CTNS: variants seen among roughly 807,000 people sequenced by gnomAD.
The protein encoded by CTNS is cystinosin.
Under a neutral mutation model 43.7 loss-of-function variants are expected in CTNS, and 27 were observed. The ratio of observed to expected loss-of-function variants is 0.62; its 90% CI spans 0.46 to 0.85. The LOEUF (loss-of-function observed/expected upper bound fraction) is 0.85, where lower values mean the gene tolerates loss of function less well. Ranked by LOEUF, CTNS falls within the 40% of genes least tolerant of loss-of-function variation. The probability of loss-of-function intolerance (pLI) is 0.00; values close to 1 mark genes in which losing one functional copy is unlikely to be tolerated. For synonymous variants in CTNS, 187 were observed against 190.6 expected, an observed-to-expected ratio of 0.98 and a Z score of 0.16; for missense variants, 457 against 475.4, an observed-to-expected ratio of 0.96 and a Z score of 0.36.
rs1164640227 is a variant in CTNS at position 3,641,378 on chromosome 17, ATATATATTTTTT to A, written c.61+1113_61+1124del. Among the ~76,000 whole-genome samples the A allele has an allele frequency of 6.4e-4, 25 of 39,006 alleles. No individual in the cohort carries two copies. The East Asian group carries it at 0.015, about 23-fold the overall frequency. 25.6% of individuals were successfully genotyped at this position (39,006 alleles called of 152,430 possible). A position where few individuals can be genotyped will look rare whatever the true frequency, so the allele number is the denominator to read the frequency against. Reference sequence around the variant, plus strand: ...CAGATACATATATATATATATATATATATATATTTTTTTTTTTTTTTTTTTTTTTTTGAGACA... The same window carrying A: ...CAGATACATATATATATATATATATATTTTTTTTTTTTTTTTTTTGAGACA... On this transcript the variant is annotated intron_variant, in intron 3 of 11. Coordinates refer to ENST00000046640, the MANE Select transcript of CTNS (RefSeq NM_004937.3).
At chr17:3,650,311 C>T (rs1277935818) in intron 5 of CTNS, 3 of 1,549,208 alleles carry the variant, frequency 1.9e-6, no homozygotes, top group Non-Finnish European at 2.6e-6. Flanking sequence ...CATGTGGGAA[C>T]CTGTGATCTG....
intron 10 of CTNS, among the ~76,000 whole-genome samples, chr17:3,658,803 T>C (rs1233042614): frequency 6.6e-6 from 1 of 152,140 alleles, no homozygotes; most frequent in Non-Finnish European, 1.5e-5. Flanking sequence ...ACTGGACTCT[T>C]AGGCTGAGCA....
chr17:3,650,475 CTG>C (rs1301155316), intron 5 of CTNS: 1 of 908,398 alleles, frequency 1.1e-6, no homozygotes, highest in African/African-American at 1.7e-5. Context: ...GAGCAAGACT[CTG>C]TCTCTAAAAA....
In CTNS at chr17:3,646,292, C is replaced by CTTT. The variant is rs35737682; in HGVS notation, c.62-1138_62-1136dup. Among the ~76,000 whole-genome samples the CTTT allele has an allele frequency of 1.1e-4, 15 of 137,210 alleles. 1 individual carries two copies. Among genetic ancestry groups the CTTT allele is most frequent in the South Asian group, 9.1e-4 (4 of 4,386 alleles). The allele number at this position is 137,210 out of a possible 152,430, so 90.0% of individuals were successfully genotyped here. On this transcript the variant is annotated intron_variant, in intron 3 of 11. Transcript: ENST00000046640. ...TTGGCCTTGCAAGAGGGTTTTCTTT[C>CTTT]TTTTTTTTTTTTTTTTGAGATGGAG... is the stretch of plus-strand genomic sequence containing the variant.
Position 3,660,439 on chromosome 17 carries a change from C to T in CTNS, c.*70C>T. ...TGGGGAAGGCCTCACCCAGCGAAGG[C>T]CGGAGAAGCGGTTGGGCCCTGGCAC... On this transcript the variant is annotated 3_prime_UTR_variant, in exon 12 of 12. Transcript: ENST00000046640. 6.2e-7 allele frequency: 1 copy of T among 1,613,656 alleles called. No individual in the cohort carries two copies. Among genetic ancestry groups the T allele is most frequent in the Non-Finnish European group, 8.5e-7 (1 of 1,180,030 alleles).
chr17:3,645,420 C>T (rs1416675732), intron 3 of CTNS, among the ~76,000 whole-genome samples: 1 of 152,090 alleles, frequency 6.6e-6, no homozygotes, highest in Non-Finnish European at 1.5e-5. Flanking sequence ...CTCTCAGGGT[C>T]TGAGAGGCTC....
intron 10 of CTNS, among the ~76,000 whole-genome samples, chr17:3,659,323 C>T (rs186097644): frequency 2.0e-5 from 3 of 152,164 alleles, no homozygotes; most frequent in Admixed American, 6.5e-5. Context: ...CAGGAAGCCC[C>T]GGCCAGGCCT....
At position 3,657,920 on chromosome 17, in the gene CTNS, A is replaced by C. The variant is rs371755765; in HGVS notation, c.682-85A>C. 117 of 1,539,320 alleles carry C rather than the reference A, an allele frequency of 7.6e-5. 1 individual carries two copies. In the African/African-American group the frequency reaches 1.4e-3, roughly 18 times the overall value. ...GGTCCAGCCTCCGTGCCCCTCTCTA[A>C]GCCCGCCCTATCCGGGGCCGTCCTT... On this transcript the variant is annotated intron_variant, in intron 9 of 11. Coordinates refer to ENST00000046640, the MANE Select transcript of CTNS (RefSeq NM_004937.3).
intron 3 of CTNS, among the ~76,000 whole-genome samples, chr17:3,646,451 C>G (rs973681888): frequency 6.6e-6 from 1 of 152,018 alleles, no homozygotes; most frequent in Non-Finnish European, 1.5e-5. Flanking sequence ...CCAAACCCAG[C>G]TAATTTTTTG....
rs936434854 is a variant in CTNS, at chr17:3,639,988, GC to G, written c.-19-197del. 4.3e-4 allele frequency among the ~76,000 whole-genome samples: 66 copies of G among 152,280 alleles called. 1 individual carries two copies. Among genetic ancestry groups the G allele is most frequent in the Middle Eastern group, 3.4e-3 (1 of 294 alleles). On this transcript the variant is annotated intron_variant, in intron 2 of 11. Transcript: ENST00000046640. ...TACACAACCCATTTATCTGCTCGGAGCCCGTTTCCCCTGTATATCAAAGAAA... is the reference window on the plus strand; with the variant it reads ...TACACAACCCATTTATCTGCTCGGAGCCGTTTCCCCTGTATATCAAAGAAA...
rs2076196123 is a variant in CTNS, at chr17:3,658,033, C to G, written c.710C>G (p.Ala237Gly). Residue 237 changes from alanine to glycine, a missense_variant, in exon 10 of 12, where the codon GCC becomes GGC. Coordinates refer to ENST00000046640, the MANE Select transcript of CTNS (RefSeq NM_004937.3). The part of the protein sequence containing the change: ...ERGGQRVSWP[A>G]IGFLVLAWLF... ...GGTGGCCAGCGCGTGTCCTGGCCTG[C>G]CATCGGCTTCCTGGTGCTCGCGTGG... is the stretch of plus-strand genomic sequence containing the variant. 12 of 1,611,244 alleles carry G rather than the reference C, an allele frequency of 7.4e-6. No individual in the cohort carries two copies. Among genetic ancestry groups the G allele is most frequent in the South Asian group, 4.4e-5 (4 of 91,008 alleles).
At position 3,660,294 on chromosome 17, in the gene CTNS, C is replaced by A. The variant is rs147428183; in HGVS notation, c.1029C>A (p.Ile343=). 5.0e-6 allele frequency: 8 copies of A among 1,614,114 alleles called. No individual in the cohort carries two copies. In the African/African-American group the frequency reaches 1.1e-4, roughly 22 times the overall value. Residue 343 remains isoleucine (I), a synonymous_variant, in exon 12 of 12, where the codon ATC becomes ATA. Transcript: ENST00000046640. ...AGTTTGGACTCGGGGTCTTCTCCAT[C>A]GTCTTCGACGTCGTCTTCTTCATCC... ...PTKFGLGVFS[I]VFDVVFFIQH... is the part of the protein sequence containing the mutation.
chr17:3,647,605 C>A, intron 4 of CTNS, 83 bp downstream of exon 4: 2 of 1,169,726 alleles, frequency 1.7e-6, no homozygotes, highest in Non-Finnish European at 1.3e-6. Flanking sequence ...TCAGTCTGTT[C>A]AGATTTCAGA....
intron 7 of CTNS, among the ~76,000 whole-genome samples, chr17:3,656,207 GT>G (rs2076135421): frequency 3.3e-5 from 2 of 61,076 alleles, no homozygotes; most frequent in Admixed American, 1.9e-4. Flanking sequence ...ACCCCCGCCA[GT>G]CCTTACCCAC....
rs1029958253 is a variant in CTNS, at chr17:3,662,128, T to C, written c.*1759T>C. ...GAGTTCGAGACCAGCCTAGCCAACA[T>C]TGCAAAACCCCATCTCTACTAAAGA... On this transcript the variant is annotated 3_prime_UTR_variant, in exon 12 of 12. Transcript: ENST00000046640. Among the ~76,000 whole-genome samples the C allele has an allele frequency of 6.6e-6, 1 of 152,078 alleles. No individual in the cohort carries two copies. The highest frequency in any genetic ancestry group is 2.4e-5 in the African/African-American group (1 of 41,418).
rs1241970446 is a variant in CTNS at position 3,661,165 on chromosome 17, GCT to G, written c.*802_*803del. On this transcript the variant is annotated 3_prime_UTR_variant, in exon 12 of 12. Coordinates refer to ENST00000046640, the MANE Select transcript of CTNS (RefSeq NM_004937.3). ...CCCAGCATCTGGAGTACAGGACATAGCTCTCTCCTGCTACCAGTCTGTGCCTT... is the reference window on the plus strand; with the variant it reads ...CCCAGCATCTGGAGTACAGGACATAGCTCTCCTGCTACCAGTCTGTGCCTT... The G allele has an allele frequency of 7.1e-6, 2 of 283,060 alleles. No homozygotes were observed. The highest frequency in any genetic ancestry group is 4.4e-5 in the African/African-American group (2 of 45,572). 17.5% of individuals were successfully genotyped at this position (283,060 alleles called of 1,614,324 possible). A position where few individuals can be genotyped will look rare whatever the true frequency, so the allele number is the denominator to read the frequency against.
intron 9 of CTNS, 37 bp from the exon 10 acceptor site, chr17:3,657,968 G>T (rs889306085): frequency 1.9e-6 from 3 of 1,602,702 alleles, no homozygotes; most frequent in Admixed American, 1.7e-5. Context: ...CGTGGCCTCT[G>T]TGTGGGTCCA....
intron 5 of CTNS, chr17:3,650,068 T>C (rs887394528): frequency 1.4e-6 from 2 of 1,443,750 alleles, no homozygotes; most frequent in Non-Finnish European, 1.9e-6. Context: ...TGATGGATAT[T>C]AATTAGCTTG....
intron 2 of CTNS, among the ~76,000 whole-genome samples, chr17:3,638,410 G>A (rs896670028): frequency 2.3e-4 from 35 of 151,798 alleles, no homozygotes; most frequent in Non-Finnish European, 1.5e-5. Context: ...GCTAATTTTT[G>A]TATTTTTAGT....
Sources: allele counts gnomAD v4.1 joint callset (sites outside exome capture counted in the v4.1 genomes callset), GRCh38; gene constraint gnomAD v4.1.1; transcripts MANE v1.5; gene names NCBI Gene and HGNC (gene_info 2026-07-23, HGNC 2026-07-21).